Variants in ASMTL observed in about 807,000 individuals in gnomAD.
ASMTL encodes the protein acetylserotonin O-methyltransferase like.
ASMTL carries 57 observed loss-of-function variants against 60.3 expected under a neutral mutation model. The ratio of observed to expected loss-of-function variants is 0.95; its 90% CI spans 0.76 to 1.18. The LOEUF is 1.18. ASMTL is among the 50% of genes most tolerant of loss of function. The pLI is 0.00. For synonymous variants in ASMTL, 419 were observed against 373.0 expected (o/e 1.12, Z -1.42); for missense variants, 981 against 852.6 (o/e 1.15, Z -1.88).
chrX:1,449,156 G>C (rs1322211054), intron 1 of ASMTL, among the ~76,000 whole-genome samples: 1 of 152,136 alleles, frequency 6.6e-6, no homozygotes, highest in Non-Finnish European at 1.5e-5. Context: ...GTCTGTAAGA[G>C]AGAACACTCC....
At chrX:1,446,324 G>A (rs1271805224) in intron 1 of ASMTL, among the ~76,000 whole-genome samples, 11 of 151,676 alleles carry the variant, frequency 7.3e-5, no homozygotes, top group Non-Finnish European at 1.3e-4. Context: ...AAATATCAGC[G>A]CAGCCTGGCA....
intron 12 of ASMTL, among the ~76,000 whole-genome samples, chrX:1,403,903 A>T (rs756908263): frequency 1.1e-4 from 17 of 151,768 alleles, no homozygotes; most frequent in Non-Finnish European, 2.2e-4. Context: ...TGCATGTATG[A>T]GATGGATGGA....
At position 1,407,587 on chromosome X, in the gene ASMTL, G is replaced by A. The variant is rs147082753; in HGVS notation, c.1646-4098C>T. ...AAATGATAGACAGATGACAGGTGAC[G>A]GAGCATTGTTAGAAGGCCAGACGCA... On this transcript the variant is annotated intron_variant, in intron 12 of 12. Coordinates refer to ENST00000381317, the MANE Select transcript of ASMTL (RefSeq NM_004192.4). Among the ~76,000 whole-genome samples the A allele has an allele frequency of 4.5e-3, 689 of 152,008 alleles. 6 individuals are homozygous for A. The highest frequency in any genetic ancestry group is 0.016 in the African/African-American group (647 of 41,408).
chrX:1,406,142 G>C (rs2089827760), intron 12 of ASMTL, among the ~76,000 whole-genome samples: 2 of 148,816 alleles, frequency 1.3e-5, no homozygotes, highest in African/African-American at 2.5e-5. Flanking sequence ...ATGGATGCAT[G>C]GATGAGATGG....
At chrX:1,435,422 A>C in intron 4 of ASMTL, 1 of 607,282 alleles carries the variant, frequency 1.6e-6, no homozygotes, top group Admixed American at 2.9e-5. Context: ...GCCCAGTGGG[A>C]AGGACAGGAC....
At chrX:1,437,802 C>T (rs1433039131) in intron 3 of ASMTL, among the ~76,000 whole-genome samples, 1 of 150,300 alleles carries the variant, frequency 6.7e-6, no homozygotes, top group African/African-American at 2.5e-5. Context: ...GAGGCTGAGG[C>T]AGGAGAATCA....
Position 1,406,050 on chromosome X carries a change from G to A in ASMTL, c.1646-2561C>T, listed in dbSNP as rs753159357. 5.3e-5 allele frequency among the ~76,000 whole-genome samples: 8 copies of A among 151,068 alleles called. No homozygotes were observed. In the South Asian group the frequency reaches 1.7e-3, roughly 32 times the overall value. ...ATAGATGGTAGACGATGGGTAGGTAGGTGGATGGATAGATGGAGGCATGGA... is the reference window on the plus strand; with the variant it reads ...ATAGATGGTAGACGATGGGTAGGTAAGTGGATGGATAGATGGAGGCATGGA... On this transcript the variant is annotated intron_variant, in intron 12 of 12. Coordinates refer to ENST00000381317, the MANE Select transcript of ASMTL (RefSeq NM_004192.4).
At chrX:1,441,572 C>T (rs754630414) in intron 2 of ASMTL, 80 of 152,076 alleles carry the variant, frequency 5.3e-4, no homozygotes, top group African/African-American at 1.9e-3. Context: ...CCACCGCGAC[C>T]GGCCACAAGA....
chrX:1,424,822 C>T (rs1370648378), intron 8 of ASMTL, among the ~76,000 whole-genome samples: 13 of 139,366 alleles, frequency 9.3e-5, no homozygotes, highest in African/African-American at 3.4e-4. Flanking sequence ...TTCCATTTAT[C>T]CATCCACCTC....
intron 9 of ASMTL, among the ~76,000 whole-genome samples, chrX:1,421,108 C>T (rs1182698310): frequency 2.6e-5 from 4 of 151,950 alleles, no homozygotes; most frequent in Admixed American, 6.6e-5. Flanking sequence ...TACAGGCACG[C>T]GCCATCATCC....
chrX:1,424,799 C>A (rs1423317147), intron 8 of ASMTL, among the ~76,000 whole-genome samples: 6 of 150,746 alleles, frequency 4.0e-5, no homozygotes, highest in Admixed American at 6.6e-5. Context: ...CTTACCCACC[C>A]ATCTACCCAC....
At chrX:1,417,168 C>A (rs6645286) in intron 11 of ASMTL, among the ~76,000 whole-genome samples, 1 of 151,108 alleles carries the variant, frequency 6.6e-6, no homozygotes, top group Non-Finnish European at 1.5e-5. Context: ...ACACAACCAC[C>A]GGCCCACAGC....
At chrX:1,432,197 G>T in intron 6 of ASMTL, 72 bp downstream of exon 6, 2 of 1,279,916 alleles carry the variant, frequency 1.6e-6, no homozygotes, top group East Asian at 2.4e-5. Flanking sequence ...AGGCTGGGTG[G>T]GACACCCCAC....
At position 1,412,794 on chromosome X, in the gene ASMTL, T is replaced by G. The variant is rs79968027; in HGVS notation, c.1583A>C (p.His528Pro). ...GTGGACTTTGTCGTCTGGCCAGTCA[T>G]GCAGGATCCGGCACAGGACGTACAG... ...AELYVLCRIL[H>P]DWPDDKVHKL... The change falls in exon 12 of 13, where the codon CAT (histidine) becomes CCT (proline). Residue 528 changes from histidine (H) to proline (P), a missense_variant. His to Pro is a moderately conservative substitution (Grantham distance 77). Transcript: ENST00000381317. The G allele has an allele frequency of 1.2e-6, 2 of 1,613,912 alleles. No homozygotes were observed. The highest frequency in any genetic ancestry group is 8.5e-7 in the Non-Finnish European group (1 of 1,179,820).
Position 1,442,178 on chromosome X carries a change from C to T in ASMTL, c.225+8G>A. 1 of 1,613,314 alleles carries T rather than the reference C, an allele frequency of 6.2e-7. No individual in the cohort carries two copies. The highest frequency in any genetic ancestry group is 8.5e-7 in the Non-Finnish European group (1 of 1,179,770). On this transcript the variant is annotated splice_region_variant and intron_variant, in intron 2 of 12. Coordinates refer to ENST00000381317, the MANE Select transcript of ASMTL (RefSeq NM_004192.4). Reference sequence around the variant, plus strand: ...TTTCATAAGGGCCGAAGGGCAGGGGCCCCTTGCCTGGTACAGCCGGTTGGC... The same window carrying T: ...TTTCATAAGGGCCGAAGGGCAGGGGTCCCTTGCCTGGTACAGCCGGTTGGC...
chrX:1,433,808 C>T (rs1240401298), intron 5 of ASMTL, among the ~76,000 whole-genome samples: 1 of 152,124 alleles, frequency 6.6e-6, no homozygotes, highest in Non-Finnish European at 1.5e-5. Flanking sequence ...CACCCAGCAC[C>T]CTGCGCTGTG....
At chrX:1,449,672 AT>A in intron 1 of ASMTL, among the ~76,000 whole-genome samples, 1 of 148,854 alleles carries the variant, frequency 6.7e-6, no homozygotes, top group Non-Finnish European at 1.5e-5. Flanking sequence ...ACCAGTAACT[AT>A]GCCCCATCAT....
At chrX:1,451,042 C>A (rs1489295123) in intron 1 of ASMTL, among the ~76,000 whole-genome samples, 5 of 96,962 alleles carry the variant, frequency 5.2e-5, no homozygotes, top group Non-Finnish European at 9.0e-5. Flanking sequence ...CCTAGGGGGT[C>A]CTGGGTCACT....
chrX:1,451,816 T>TA (rs2091396287), intron 1 of ASMTL, among the ~76,000 whole-genome samples: 1 of 139,600 alleles, frequency 7.2e-6, no homozygotes, highest in African/African-American at 2.7e-5. Context: ...TCCCCATGCC[T>TA]GGGGGTCCCG....
Sources: allele counts gnomAD v4.1 joint callset (sites outside exome capture counted in the v4.1 genomes callset), GRCh38; gene constraint gnomAD v4.1.1; transcripts MANE v1.5; gene names NCBI Gene and HGNC (gene_info 2026-07-23, HGNC 2026-07-21).